CACNA2D3: variants seen among roughly 807,000 people sequenced by gnomAD.
The protein encoded by CACNA2D3 is calcium voltage-gated channel auxiliary subunit alpha2delta 3.
Under a neutral mutation model 160.6 loss-of-function variants are expected in CACNA2D3, and 60 were observed. That is an observed-to-expected ratio of 0.37 (90% CI 0.30 to 0.46). CACNA2D3 has a LOEUF of 0.46. CACNA2D3 is among the 20% of genes least tolerant of loss of function. The probability of loss-of-function intolerance (pLI) is 1.00; values close to 1 mark genes in which losing one functional copy is unlikely to be tolerated. For missense variants in CACNA2D3, 1,205 were observed against 1,365.0 expected (o/e 0.88, Z 1.85); for synonymous variants, 558 against 492.9 (o/e 1.13, Z -1.75).
chr3:54,655,541 G>C (rs1434038376), intron 11 of CACNA2D3, among the ~76,000 whole-genome samples: 1 of 152,194 alleles, frequency 6.6e-6, no homozygotes, highest in Non-Finnish European at 1.5e-5. Flanking sequence ...TTAATCTTGT[G>C]TGCTGTTGTG....
At chr3:54,468,931 G>A (rs1263014080) in intron 4 of CACNA2D3, among the ~76,000 whole-genome samples, 1 of 152,190 alleles carries the variant, frequency 6.6e-6, no homozygotes, top group Non-Finnish European at 1.5e-5. Context: ...CCCGGTTAGG[G>A]GCTTATAGAT....
At chr3:54,558,098 G>C (rs1301612900) in intron 5 of CACNA2D3, among the ~76,000 whole-genome samples, 1 of 152,206 alleles carries the variant, frequency 6.6e-6, no homozygotes, top group African/African-American at 2.4e-5. Context: ...GGCCAATCCT[G>C]AGTGCCCTCG....
chr3:54,194,138 G>A (rs1701029806), intron 2 of CACNA2D3, among the ~76,000 whole-genome samples: 1 of 152,134 alleles, frequency 6.6e-6, no homozygotes, highest in Non-Finnish European at 1.5e-5. Flanking sequence ...ACAATTAAAA[G>A]GAATATGTTC....
At chr3:54,866,962 A>G (rs2106811973) in intron 17 of CACNA2D3, among the ~76,000 whole-genome samples, 1 of 152,264 alleles carries the variant, frequency 6.6e-6, no homozygotes, top group Middle Eastern at 3.4e-3. Flanking sequence ...ACTCTCCCCC[A>G]CAGATTTTTT....
chr3:55,033,582 G>A (rs940513211), intron 35 of CACNA2D3, among the ~76,000 whole-genome samples: 2 of 119,576 alleles, frequency 1.7e-5, no homozygotes, highest in Non-Finnish European at 3.3e-5. Flanking sequence ...TTATGTGTGT[G>A]TGTATATATA....
chr3:54,442,855 A>T lies in CACNA2D3; in HGVS notation c.381+56081A>T, dbSNP rs147635489. On this transcript the variant is annotated intron_variant, in intron 4 of 37. Transcript: ENST00000474759. ...AGAGGGTCCTGTCGTACCCGTCGCC[A>T]GCCTCTTCATGAGTCGCTATTTGAG... is the stretch of plus-strand genomic sequence containing the variant. Among the ~76,000 whole-genome samples, 356 of 152,336 alleles carry T rather than the reference A, an allele frequency of 2.3e-3. 3 individuals are homozygous for T. The highest frequency in any genetic ancestry group is 8.3e-3 in the African/African-American group (347 of 41,582).
chr3:54,544,516 G>A (rs1221269099), intron 5 of CACNA2D3, among the ~76,000 whole-genome samples: 2 of 151,834 alleles, frequency 1.3e-5, no homozygotes, highest in South Asian at 2.1e-4. Flanking sequence ...GGATCCTCCC[G>A]CTTTAACCTC....
intron 27 of CACNA2D3, among the ~76,000 whole-genome samples, chr3:54,962,827 G>C (rs556437776): frequency 2.0e-5 from 3 of 152,290 alleles, no homozygotes; most frequent in African/African-American, 7.2e-5. Flanking sequence ...TTGTGTGCCA[G>C]GCATAGTGAG....
chr3:54,688,674 AAG>A (rs1181423633), intron 11 of CACNA2D3, among the ~76,000 whole-genome samples: 1 of 151,724 alleles, frequency 6.6e-6, no homozygotes. Context: ...GACACAGAGA[AAG>A]AGCTCAAAAG....
chr3:54,453,363 A>G (rs1700342153), intron 4 of CACNA2D3, among the ~76,000 whole-genome samples: 1 of 152,128 alleles, frequency 6.6e-6, no homozygotes, highest in South Asian at 2.1e-4. Flanking sequence ...CCTTTAATTG[A>G]CTTTTTACAT....
At chr3:54,956,759 A>C (rs55638689) in intron 27 of CACNA2D3, among the ~76,000 whole-genome samples, 1 of 151,996 alleles carries the variant, frequency 6.6e-6, no homozygotes, top group African/African-American at 2.4e-5. Context: ...ACCCATTTGA[A>C]TATTTAGATG....
chr3:54,201,819 A>G (rs925965017), intron 2 of CACNA2D3, among the ~76,000 whole-genome samples: 1 of 152,226 alleles, frequency 6.6e-6, no homozygotes, highest in Non-Finnish European at 1.5e-5. Flanking sequence ...AAGTTGGACA[A>G]AGGTATAAAA....
At chr3:54,298,878 G>A (rs73091541) in intron 2 of CACNA2D3, among the ~76,000 whole-genome samples, 2 of 145,256 alleles carry the variant, frequency 1.4e-5, no homozygotes, top group African/African-American at 2.6e-5. Flanking sequence ...CCAGGATGTC[G>A]AGGCTGCAGT....
intron 9 of CACNA2D3, chr3:54,626,607 C>T (rs1298040959): frequency 4.9e-6 from 7 of 1,429,200 alleles, no homozygotes; most frequent in African/African-American, 1.5e-5. Context: ...GCGGGCCCGG[C>T]ATCGGGGCCA....
At chr3:54,816,989 C>T (rs1426095977) in intron 14 of CACNA2D3, 119 bp downstream of exon 14, 6 of 1,203,622 alleles carry the variant, frequency 5.0e-6, no homozygotes, top group African/African-American at 1.5e-5. Flanking sequence ...TCCACAGCTT[C>T]AGAAACCTGA....
intron 35 of CACNA2D3, among the ~76,000 whole-genome samples, chr3:55,021,715 G>GTATA (rs369889600): frequency 0.082 from 11,556 of 141,280 alleles, 1,592 homozygotes; most frequent in African/African-American, 0.29. Context: ...ATATGTGTGT[G>GTATA]TATATATATA....
chr3:54,524,130 G>A (rs978587773), intron 5 of CACNA2D3, among the ~76,000 whole-genome samples: 4 of 151,932 alleles, frequency 2.6e-5, no homozygotes, highest in East Asian at 1.9e-4. Flanking sequence ...CTTAATAGAG[G>A]CATTTGCAGC....
rs1559573659 is a variant in CACNA2D3, at chr3:54,763,776, TGTAC to T, written c.1247-441_1247-438del. Among the ~76,000 whole-genome samples, 4 of 50,822 alleles carry T rather than the reference TGTAC, an allele frequency of 7.9e-5. 1 individual carries two copies. The highest frequency in any genetic ancestry group is 2.8e-4 in the African/African-American group (4 of 14,458). 33.3% of individuals were successfully genotyped at this position (50,822 alleles called of 152,430 possible). A position where few individuals can be genotyped will look rare whatever the true frequency, so the allele number is the denominator to read the frequency against. On this transcript the variant is annotated intron_variant, in intron 12 of 37. Transcript: ENST00000474759. ...ATATATACACATATATATGTATATATGTACATATATATGTATATATATGTACATA... is the reference window on the plus strand; with the variant it reads ...ATATATACACATATATATGTATATATATATATATGTATATATATGTACATA...
At chr3:54,192,690 G>GTGTGTGTT (rs949456637) in intron 2 of CACNA2D3, among the ~76,000 whole-genome samples, 1 of 151,928 alleles carries the variant, frequency 6.6e-6, no homozygotes, top group African/African-American at 2.4e-5. Flanking sequence ...GTGTGTGTGT[G>GTGTGTGTT]TGTGTTTGTG....
Sources: allele counts gnomAD v4.1 joint callset (sites outside exome capture counted in the v4.1 genomes callset), GRCh38; gene constraint gnomAD v4.1.1; transcripts MANE v1.5; gene names NCBI Gene and HGNC (gene_info 2026-07-23, HGNC 2026-07-21).